RTN4RL1: variants seen among roughly 807,000 people sequenced by gnomAD.
The protein encoded by RTN4RL1 is reticulon-4 receptor-like 1.
RTN4RL1 carries 7 observed loss-of-function variants against 25.6 expected under a neutral mutation model. The ratio of observed to expected loss-of-function variants is 0.27; its 90% CI spans 0.16 to 0.51. The LOEUF (loss-of-function observed/expected upper bound fraction) is 0.51, where lower values mean the gene tolerates loss of function less well. RTN4RL1 is among the 20% of genes least tolerant of loss of function. The probability of loss-of-function intolerance (pLI) is 0.97; values close to 1 mark genes in which losing one functional copy is unlikely to be tolerated. For missense variants in RTN4RL1, 500 were observed against 615.6 expected (o/e 0.81, Z 1.99); for synonymous variants, 297 against 288.2 (o/e 1.03, Z -0.31).
intron 1 of RTN4RL1, among the ~76,000 whole-genome samples, chr17:1,985,269 G>A (rs1034754694): frequency 6.6e-6 from 1 of 152,178 alleles, no homozygotes; most frequent in African/African-American, 2.4e-5. Context: ...AATGCCCTAG[G>A]TCCCCTCCTT....
At chr17:1,996,949 C>T (rs1188296267) in intron 1 of RTN4RL1, among the ~76,000 whole-genome samples, 1 of 152,160 alleles carries the variant, frequency 6.6e-6, no homozygotes, top group Admixed American at 6.5e-5. Context: ...GTGTAAATGG[C>T]CACTTCAGTC....
chr17:2,014,220 A>G lies in RTN4RL1; in HGVS notation c.13+10633T>C, dbSNP rs574694509. On this transcript the variant is annotated intron_variant, in intron 1 of 1. Coordinates refer to ENST00000331238, the MANE Select transcript of RTN4RL1 (RefSeq NM_178568.4). The stretch of plus-strand genomic sequence containing the variant: ...TTGAACTTGGACAGGCCAACCCTGG[A>G]GGACACAGAGCAGCATGAGGGATCT... Among the ~76,000 whole-genome samples, 152 of 152,320 alleles carry G rather than the reference A, an allele frequency of 1.0e-3. 1 individual carries two copies. The highest frequency in any genetic ancestry group is 3.4e-3 in the African/African-American group (143 of 41,574).
chr17:2,019,872 C>T (rs2067178048), intron 1 of RTN4RL1: 1 of 152,258 alleles, frequency 6.6e-6, no homozygotes, highest in African/African-American at 2.4e-5. Flanking sequence ...GGAACCGAAC[C>T]AAAACACATT....
intron 1 of RTN4RL1, among the ~76,000 whole-genome samples, chr17:1,973,809 C>T (rs1294177935): frequency 6.6e-6 from 1 of 152,148 alleles, no homozygotes; most frequent in African/African-American, 2.4e-5. Context: ...GAGGCCGAGA[C>T]AGGCGGATCA....
intron 1 of RTN4RL1, among the ~76,000 whole-genome samples, chr17:1,999,401 G>C (rs907263503): frequency 1.3e-5 from 2 of 150,754 alleles, no homozygotes; most frequent in Non-Finnish European, 2.9e-5. Flanking sequence ...AACCGAGATC[G>C]CGCCACTGCA....
At chr17:2,021,583 C>G (rs1025931653) in intron 1 of RTN4RL1, among the ~76,000 whole-genome samples, 6 of 118,872 alleles carry the variant, frequency 5.0e-5, no homozygotes, top group Non-Finnish European at 4.8e-5. Context: ...GAGACAGAGT[C>G]TCGCATCTTC....
At chr17:2,016,692 C>T (rs1046707237) in intron 1 of RTN4RL1, among the ~76,000 whole-genome samples, 6 of 152,192 alleles carry the variant, frequency 3.9e-5, no homozygotes, top group African/African-American at 1.2e-4. Flanking sequence ...CACATGCCAG[C>T]GACAGGCGGC....
intron 1 of RTN4RL1, among the ~76,000 whole-genome samples, chr17:1,972,305 C>T (rs2066823870): frequency 7.1e-6 from 1 of 141,058 alleles, no homozygotes; most frequent in Non-Finnish European, 1.5e-5. Flanking sequence ...TACTCGGTCT[C>T]AAAAATAAAT....
At chr17:2,015,747 C>T (rs994221114) in intron 1 of RTN4RL1, among the ~76,000 whole-genome samples, 1 of 151,868 alleles carries the variant, frequency 6.6e-6, no homozygotes, top group South Asian at 2.1e-4. Flanking sequence ...TGTGGACAAC[C>T]CCTTCCTTGA....
At chr17:1,995,254 C>T (rs894082493) in intron 1 of RTN4RL1, among the ~76,000 whole-genome samples, 1 of 151,998 alleles carries the variant, frequency 6.6e-6, no homozygotes, top group Non-Finnish European at 1.5e-5. Flanking sequence ...GGTGAAACAC[C>T]GTCTCTACTA....
At chr17:2,004,367 CAAAAAAAAAAA>C (rs58690992) in intron 1 of RTN4RL1, among the ~76,000 whole-genome samples, 1 of 36,568 alleles carries the variant, frequency 2.7e-5, no homozygotes. Flanking sequence ...GACTCTGTCT[CAAAAAAAAAAA>C]AAAAAAAAAA....
intron 1 of RTN4RL1, among the ~76,000 whole-genome samples, chr17:1,946,356 C>G (rs1422946921): frequency 1.3e-5 from 2 of 152,224 alleles, no homozygotes; most frequent in Non-Finnish European, 2.9e-5. Flanking sequence ...CCATGCGTCC[C>G]GCTCAGTCCC....
intron 1 of RTN4RL1, among the ~76,000 whole-genome samples, chr17:2,007,169 T>C (rs2067002667): frequency 6.6e-6 from 1 of 152,150 alleles, no homozygotes; most frequent in Admixed American, 6.6e-5. Flanking sequence ...ACAAATCCCC[T>C]GGCCCAAATC....
chr17:1,946,868 G>C (rs1040188875), intron 1 of RTN4RL1, among the ~76,000 whole-genome samples: 33 of 66,460 alleles, frequency 5.0e-4, no homozygotes, highest in African/African-American at 1.4e-3. Context: ...CTGTGTGCAC[G>C]TGTGTCTGTG....
At chr17:1,943,332 G>A (rs951374646) in intron 1 of RTN4RL1, among the ~76,000 whole-genome samples, 25 of 152,212 alleles carry the variant, frequency 1.6e-4, no homozygotes, top group Non-Finnish European at 1.6e-4. Context: ...CGTCCTCCAC[G>A]AAGGGCTGGT....
intron 1 of RTN4RL1, among the ~76,000 whole-genome samples, chr17:1,966,396 CAGA>C (rs1327100000): frequency 6.6e-6 from 1 of 152,130 alleles, no homozygotes; most frequent in Admixed American, 6.5e-5. Flanking sequence ...GCTGGGCAGG[CAGA>C]AGATGCTTCA....
At chr17:1,939,743 C>T (rs1265850862) in intron 1 of RTN4RL1, among the ~76,000 whole-genome samples, 2 of 152,324 alleles carry the variant, frequency 1.3e-5, no homozygotes, top group East Asian at 3.9e-4. Context: ...TACGGACGAT[C>T]GTCATTACCT....
In RTN4RL1 at chr17:2,010,835, C is replaced by T. The variant is rs117740943; in HGVS notation, c.13+14018G>A. Reference sequence around the variant, plus strand: ...ATCCTGGGTTCGAGTGATCCTCCCACCTCGGCCTCCCTAAGTGTTGGGATC... The same window carrying T: ...ATCCTGGGTTCGAGTGATCCTCCCATCTCGGCCTCCCTAAGTGTTGGGATC... On this transcript the variant is annotated intron_variant, in intron 1 of 1. Transcript: ENST00000331238. 1.3e-3 allele frequency among the ~76,000 whole-genome samples: 197 copies of T among 152,384 alleles called. 1 individual carries two copies. The highest frequency in any genetic ancestry group is 2.2e-3 in the Non-Finnish European group (147 of 68,040).
intron 1 of RTN4RL1, chr17:2,020,552 T>C (rs2067187578): frequency 6.6e-6 from 1 of 152,156 alleles, no homozygotes. Flanking sequence ...GACCAGCCCA[T>C]CTGCCCGTGG....
Sources: gnomAD v4.1 joint callset for allele counts (sites outside exome capture counted in the v4.1 genomes callset) on GRCh38, gnomAD v4.1.1 for gene constraint, MANE v1.5 for transcripts, NCBI Gene and HGNC (gene_info 2026-07-23, HGNC 2026-07-21) for gene names.